UBR3: variants seen among roughly 807,000 people sequenced by gnomAD.
The protein encoded by UBR3 is ubiquitin protein ligase E3 component n-recognin 3.
Under a neutral mutation model 243.2 loss-of-function variants are expected in UBR3, and 85 were observed. The observed-to-expected ratio is 0.35, with a 90% CI of 0.29 to 0.42. The LOEUF (loss-of-function observed/expected upper bound fraction) is 0.42, where lower values mean the gene tolerates loss of function less well. Among genes scored for constraint, UBR3 ranks in the 10% least tolerant of loss-of-function variants. The probability of loss-of-function intolerance (pLI) is 1.00; values close to 1 mark genes in which losing one functional copy is unlikely to be tolerated. For synonymous variants in UBR3, 748 were observed against 799.8 expected (o/e 0.94, Z 1.09); for missense variants, 1,686 against 2,300.8 (o/e 0.73, Z 5.47).
chr2:169,971,742 A>G (rs546948678), intron 24 of UBR3, among the ~76,000 whole-genome samples: 1 of 152,322 alleles, frequency 6.6e-6, no homozygotes, highest in South Asian at 2.1e-4. Context: ...ACATACCAGA[A>G]TCTCTGGGAT....
Position 170,008,821 on chromosome 2 carries a change from T to C in UBR3, c.4248T>C (p.Ser1416=). Residue 1416 remains serine (S), a synonymous_variant, in exon 29 of 39, where the codon AGT becomes AGC. Coordinates refer to ENST00000272793, the MANE Select transcript of UBR3 (RefSeq NM_172070.4). ...PGAFPSETNL[S]KEMESVMKDI... is the part of the protein sequence containing the mutation. ...TTTTATAGTCAGAAACAAATTTAAG[T>C]AAAGAAATGGAATCTGTAATGAAAG... The C allele has an allele frequency of 7.2e-7, 1 of 1,398,250 alleles. No homozygotes were observed. The highest frequency in any genetic ancestry group is 9.9e-7 in the Non-Finnish European group (1 of 1,009,344). The allele number at this position is 1,398,250 out of a possible 1,614,324, so 86.6% of individuals were successfully genotyped here.
At chr2:169,886,192 G>A (rs566111453) in intron 5 of UBR3, among the ~76,000 whole-genome samples, 1 of 152,020 alleles carries the variant, frequency 6.6e-6, no homozygotes, top group Admixed American at 6.6e-5. Context: ...TACTTTTGGA[G>A]GCATAAGGTT....
chr2:170,041,076 C>A, intron 32 of UBR3, 91 bp downstream of exon 32: 1 of 1,281,390 alleles, frequency 7.8e-7, no homozygotes, highest in Non-Finnish European at 1.1e-6. Flanking sequence ...GGTGTGGTGG[C>A]TCATGCTTGT....
At chr2:169,969,937 CTTTTTTTTTT>C (rs34413545) in intron 24 of UBR3, among the ~76,000 whole-genome samples, 1 of 89,774 alleles carries the variant, frequency 1.1e-5, no homozygotes, top group African/African-American at 4.1e-5. Flanking sequence ...ATGCCTCCAG[CTTTTTTTTTT>C]TTTTTTTTTT....
rs2086950817 is a variant in UBR3, at chr2:169,950,043, A to G, written c.3523A>G (p.Lys1175Glu). 1 of 1,565,784 alleles carries G rather than the reference A, an allele frequency of 6.4e-7. No homozygotes were observed. Among genetic ancestry groups the G allele is most frequent in the Non-Finnish European group, 8.6e-7 (1 of 1,160,564 alleles). The stretch of plus-strand genomic sequence containing the variant: ...TAAAAAAGTCACTGCAGCAGAGAAG[A>G]AAACATTGGACAAAGAAGAAAGGTA... ...PPKKVTAAEK[K>E]TLDKEERRQK... The change falls in exon 23 of 39, where the codon AAA becomes GAA. Residue 1175 changes from lysine to glutamate, a missense_variant. Physicochemically the swap from Lys to Glu is moderately conservative, Grantham distance 56. Around this residue, in one of 8 missense-constraint regions of UBR3, gnomAD observed 156 missense variants for 246.3 expected, o/e 0.63. Transcript: ENST00000272793.
chr2:170,076,709 C>T (rs1460856046), intron 36 of UBR3, among the ~76,000 whole-genome samples: 1 of 152,230 alleles, frequency 6.6e-6, no homozygotes, highest in African/African-American at 2.4e-5. Context: ...TGATCCAGCA[C>T]ACCTCAACGG....
In UBR3 at chr2:169,981,471, T is replaced by C. The variant is rs527986168; in HGVS notation, c.3635-5174T>C. Among the ~76,000 whole-genome samples the C allele has an allele frequency of 3.3e-4, 50 of 152,296 alleles. 1 individual carries two copies. The highest frequency in any genetic ancestry group is 1.2e-3 in the African/African-American group (48 of 41,570). ...GACAAATCATAATTGAGGACTGTTA[T>C]GCAAATACCTGGATACTACTCCTCA... On this transcript the variant is annotated intron_variant, in intron 24 of 38. Transcript: ENST00000272793.
At chr2:169,903,387 C>T (rs1202052468) in intron 8 of UBR3, among the ~76,000 whole-genome samples, 1 of 152,156 alleles carries the variant, frequency 6.6e-6, no homozygotes, top group East Asian at 1.9e-4. Context: ...AGCACTGTTG[C>T]ATCAATATCA....
chr2:169,924,965 CAG>C (rs1161841019), intron 13 of UBR3, among the ~76,000 whole-genome samples: 4 of 152,198 alleles, frequency 2.6e-5, no homozygotes, highest in African/African-American at 7.2e-5. Context: ...ACCTGGGAGA[CAG>C]AGGTTGCAGT....
At chr2:169,848,114 C>G (rs946351965) in intron 1 of UBR3, among the ~76,000 whole-genome samples, 7 of 152,184 alleles carry the variant, frequency 4.6e-5, no homozygotes, top group African/African-American at 1.7e-4. Context: ...TGACACATAT[C>G]ATCACGTCAC....
At chr2:170,076,706 G>A (rs1188095504) in intron 36 of UBR3, among the ~76,000 whole-genome samples, 1 of 152,218 alleles carries the variant, frequency 6.6e-6, no homozygotes, top group Non-Finnish European at 1.5e-5. Context: ...CCGTGATCCA[G>A]CACACCTCAA....
chr2:169,905,880 A>G (rs926001943), intron 9 of UBR3, 151 bp from the exon 10 acceptor site: 1 of 815,526 alleles, frequency 1.2e-6, no homozygotes, highest in Non-Finnish European at 1.7e-6. Context: ...AGATTGTTTC[A>G]TTTTTAGTAA....
At chr2:169,986,266 A>G (rs1277293240) in intron 24 of UBR3, among the ~76,000 whole-genome samples, 1 of 152,202 alleles carries the variant, frequency 6.6e-6, no homozygotes, top group African/African-American at 2.4e-5. Context: ...GTTGTTGTGA[A>G]TAACCCCTTA....
intron 2 of UBR3, among the ~76,000 whole-genome samples, chr2:169,874,173 CTTT>C (rs200643346): frequency 7.0e-6 from 1 of 143,548 alleles, no homozygotes; most frequent in Non-Finnish European, 1.5e-5. Flanking sequence ...AAAATTCTGC[CTTT>C]TTTTTTTTTG....
In UBR3 at chr2:169,828,013, C is replaced by G; in HGVS notation, c.506C>G (p.Ala169Gly). Residue 169 changes from alanine to glycine, a missense_variant, in exon 1 of 39, where the codon GCC becomes GGC. This residue lies in a region of UBR3 where 145 missense variants were observed against 243.8 expected (regional missense o/e 0.59). Coordinates refer to ENST00000272793, the MANE Select transcript of UBR3 (RefSeq NM_172070.4). ...FNMFRSQAGG[A>G]CDCGDSNVMR... is the part of the protein sequence containing the mutation. ...ATGTTCCGCAGCCAGGCCGGGGGCG[C>G]CTGCGACTGCGGGGACAGCAACGTG... is the stretch of plus-strand genomic sequence containing the variant. The G allele has an allele frequency of 7.1e-7, 1 of 1,408,674 alleles. No individual in the cohort carries two copies. The highest frequency in any genetic ancestry group is 9.3e-7 in the Non-Finnish European group (1 of 1,074,614). 87.3% of individuals were successfully genotyped at this position (1,408,674 alleles called of 1,614,324 possible).
Position 169,872,330 on chromosome 2 carries a change from A to G in UBR3, c.640A>G (p.Ile214Val), listed in dbSNP as rs76768838. The change falls in exon 2 of 39, where the codon ATA (isoleucine) becomes GTA (valine). Residue 214 changes from isoleucine to valine, a missense_variant. This residue lies in a region of UBR3 where 145 missense variants were observed against 243.8 expected (regional missense o/e 0.59). Coordinates refer to ENST00000272793, the MANE Select transcript of UBR3 (RefSeq NM_172070.4). The part of the protein sequence containing the change: ...MMSEFVLPRF[I>V]FCLIQYLREG... ...GTCTGAATTTGTTCTTCCAAGATTT[A>G]TATTTTGTCTTATTCAGTACTTAAG... is the stretch of plus-strand genomic sequence containing the variant. The G allele has an allele frequency of 1.8e-4, 281 of 1,520,856 alleles. 1 individual carries two copies. The East Asian group carries it at 6.4e-3, about 35-fold the overall frequency. The allele number at this position is 1,520,856 out of a possible 1,614,324, so 94.2% of individuals were successfully genotyped here. A position where few individuals can be genotyped will look rare whatever the true frequency, so the allele number is the denominator to read the frequency against.
At chr2:170,058,274 C>T (rs12465205) in intron 33 of UBR3, among the ~76,000 whole-genome samples, 66,640 of 151,798 alleles carry the variant, frequency 0.44, 15,731 homozygotes, top group Non-Finnish European at 0.54. Context: ...GTAATGAAAA[C>T]GTATTTTTGC....
intron 28 of UBR3, 29 bp downstream of exon 28, chr2:170,007,219 C>T: frequency 1.9e-6 from 3 of 1,556,696 alleles, no homozygotes; most frequent in Non-Finnish European, 1.7e-6. Context: ...CATAAATATC[C>T]TGGTTAACTC....
intron 30 of UBR3, among the ~76,000 whole-genome samples, chr2:170,024,873 C>T (rs1001715902): frequency 6.6e-6 from 1 of 152,074 alleles, no homozygotes; most frequent in African/African-American, 2.4e-5. Flanking sequence ...GAATTTATCC[C>T]AGGTGAGTTG....
Sources: allele counts gnomAD v4.1 joint callset (sites outside exome capture counted in the v4.1 genomes callset), GRCh38; gene constraint gnomAD v4.1.1; regional missense constraint gnomAD v4.1.1; transcripts MANE v1.5; gene names NCBI Gene and HGNC (gene_info 2026-07-23, HGNC 2026-07-21).